Variants in AGMO observed in about 807,000 individuals in gnomAD.
AGMO encodes glyceryl-ether monooxygenase.
Under a neutral mutation model 60.2 loss-of-function variants are expected in AGMO, and 75 were observed. The observed-to-expected ratio is 1.25, with a 90% CI of 1.03 to 1.51. The LOEUF (loss-of-function observed/expected upper bound fraction) is 1.51. Ranked by LOEUF, AGMO falls within the 40% of genes most tolerant of loss-of-function variation. The probability of loss-of-function intolerance (pLI) is 0.00; values close to 1 mark genes in which losing one functional copy is unlikely to be tolerated. For synonymous variants in AGMO, 261 were observed against 177.1 expected (o/e 1.47, Z -3.76); for missense variants, 763 against 525.5 (o/e 1.45, Z -4.42).
chr7:15,129,655 A>G, the AGMO span, among the ~76,000 whole-genome samples: 1 of 152,148 alleles, frequency 6.6e-6, no homozygotes, highest in South Asian at 2.1e-4. Flanking sequence ...ACCTGGGGCC[A>G]GGATGAAGTA....
chr7:15,164,768 G>C, the AGMO span, among the ~76,000 whole-genome samples: 1 of 152,086 alleles, frequency 6.6e-6, no homozygotes, highest in Non-Finnish European at 1.5e-5. Flanking sequence ...AGGATGCAGA[G>C]AAAAGGGAAT....
At chr7:15,506,583 CTTTG>C (rs909843310) in intron 3 of AGMO, among the ~76,000 whole-genome samples, 49 of 152,042 alleles carry the variant, frequency 3.2e-4, no homozygotes, top group African/African-American at 1.1e-3. Flanking sequence ...TCTTTTATAT[CTTTG>C]TTTGTGTAAC....
chr7:15,175,051 C>T, the AGMO span, among the ~76,000 whole-genome samples: 4 of 151,512 alleles, frequency 2.6e-5, no homozygotes, highest in African/African-American at 9.7e-5. Context: ...TTTGCAATAA[C>T]AACTACTGAA....
chr7:15,284,465 A>T (rs1030985469), intron 12 of AGMO, among the ~76,000 whole-genome samples: 1 of 152,122 alleles, frequency 6.6e-6, no homozygotes, highest in Non-Finnish European at 1.5e-5. Context: ...AAACTAAAAA[A>T]TCTAGAGGAA....
intron 10 of AGMO, among the ~76,000 whole-genome samples, chr7:15,372,454 T>G (rs1057121047): frequency 5.9e-5 from 9 of 152,080 alleles, no homozygotes; most frequent in Non-Finnish European, 1.3e-4. Flanking sequence ...AGACTCTGTC[T>G]CAAAAATAAA....
At chr7:15,558,691 T>C (rs1408924023) in intron 2 of AGMO, among the ~76,000 whole-genome samples, 1 of 152,128 alleles carries the variant, frequency 6.6e-6, no homozygotes, top group Non-Finnish European at 1.5e-5. Context: ...ATATTATTAA[T>C]ATTACTTCTA....
intron 12 of AGMO, among the ~76,000 whole-genome samples, chr7:15,295,563 T>C (rs1159854986): frequency 1.3e-5 from 2 of 152,086 alleles, no homozygotes; most frequent in African/African-American, 4.8e-5. Flanking sequence ...AGAATTACAA[T>C]GTAACCTAAA....
At chr7:15,181,179 C>A in the AGMO span, among the ~76,000 whole-genome samples, 1 of 152,284 alleles carries the variant, frequency 6.6e-6, no homozygotes, top group South Asian at 2.1e-4. Flanking sequence ...ATAGTAGGTA[C>A]CAATTCCTAA....
At chr7:15,255,183 G>C (rs1455481590) in intron 12 of AGMO, among the ~76,000 whole-genome samples, 3 of 151,996 alleles carry the variant, frequency 2.0e-5, no homozygotes, top group Admixed American at 6.6e-5. Context: ...ATAGGGAGGG[G>C]AACATCACAC....
chr7:15,181,676 C>G, the AGMO span, among the ~76,000 whole-genome samples: 1 of 151,964 alleles, frequency 6.6e-6, no homozygotes, highest in South Asian at 2.1e-4. Flanking sequence ...CTTTAATATT[C>G]ACTATAACGG....
downstream of AGMO, among the ~76,000 whole-genome samples, chr7:15,198,225 G>GAGAGAC (rs1781174151): frequency 1.7e-5 from 2 of 116,006 alleles, no homozygotes; most frequent in South Asian, 6.3e-4. Context: ...GAGAGAGAGA[G>GAGAGAC]AGAGAGAGAG....
chr7:15,248,139 C>T (rs1348597551), intron 12 of AGMO, among the ~76,000 whole-genome samples: 2 of 121,532 alleles, frequency 1.6e-5, no homozygotes, highest in Non-Finnish European at 3.3e-5. Flanking sequence ...CGAGTTTAAA[C>T]ATGTCATAAA....
chr7:15,273,818 T>C (rs1264139428), intron 12 of AGMO, among the ~76,000 whole-genome samples: 2 of 152,226 alleles, frequency 1.3e-5, no homozygotes, highest in Non-Finnish European at 2.9e-5. Context: ...TTTGTAGTTC[T>C]CTTTGAAGAG....
At chr7:15,270,062 CA>C (rs891517486) in intron 12 of AGMO, among the ~76,000 whole-genome samples, 2 of 151,840 alleles carry the variant, frequency 1.3e-5, no homozygotes, top group African/African-American at 4.8e-5. Context: ...ACTAATGCCG[CA>C]AAAAAGATAT....
intron 12 of AGMO, among the ~76,000 whole-genome samples, chr7:15,328,948 C>G (rs761671944): frequency 3.4e-4 from 51 of 152,160 alleles, no homozygotes; most frequent in Non-Finnish European, 5.7e-4. Context: ...TCTACCTGAA[C>G]CTGAACTCCT....
At chr7:15,485,403 T>TG in intron 3 of AGMO, among the ~76,000 whole-genome samples, 1 of 152,208 alleles carries the variant, frequency 6.6e-6, no homozygotes, top group African/African-American at 2.4e-5. Context: ...CAAAAGTGAT[T>TG]GTCAACAATA....
At chr7:15,249,952 A>G (rs1782883698) in intron 12 of AGMO, among the ~76,000 whole-genome samples, 1 of 152,200 alleles carries the variant, frequency 6.6e-6, no homozygotes, top group Non-Finnish European at 1.5e-5. Flanking sequence ...CTTTACTTAG[A>G]AACTATTGTT....
At chr7:15,293,619 C>G (rs556506486) in intron 12 of AGMO, among the ~76,000 whole-genome samples, 66 of 147,486 alleles carry the variant, frequency 4.5e-4, no homozygotes, top group South Asian at 4.2e-4. Flanking sequence ...TACTCTAGTT[C>G]CTCACACCAA....
intron 8 of AGMO, 124 bp downstream of exon 8, chr7:15,390,547 A>T (rs1784094695): frequency 3.4e-6 from 2 of 589,138 alleles, no homozygotes; most frequent in East Asian, 6.2e-5. Context: ...TAAATTTTTT[A>T]ACAGTTAAAA....
Sources: allele counts gnomAD v4.1 joint callset (sites outside exome capture counted in the v4.1 genomes callset), GRCh38; gene constraint gnomAD v4.1.1; transcripts MANE v1.5; gene names NCBI Gene and HGNC (gene_info 2026-07-23, HGNC 2026-07-21).